The following TCF12 variants were observed in gnomAD, a reference collection of about 807,000 sequenced individuals.
TCF12 encodes transcription factor 12.
A neutral mutation model predicts 86.0 loss-of-function variants in TCF12; 45 were observed. The ratio of observed to expected loss-of-function variants is 0.52; its 90% CI spans 0.41 to 0.67. The LOEUF is 0.67. TCF12 is among the 30% of genes least tolerant of loss of function. The pLI, the probability that TCF12 is intolerant of heterozygous loss-of-function variation, is 0.00. For missense variants in TCF12, 881 were observed against 859.9 expected (o/e 1.02, Z -0.31); for synonymous variants, 330 against 299.6 (o/e 1.10, Z -1.05).
chr15:57,120,109 A>G (rs1285901492), intron 5 of TCF12, among the ~76,000 whole-genome samples: 1 of 152,178 alleles, frequency 6.6e-6, no homozygotes, highest in Non-Finnish European at 1.5e-5. Context: ...CTGTCAGTTC[A>G]TTTATCAGTA....
intron 5 of TCF12, among the ~76,000 whole-genome samples, chr15:57,147,138 T>G (rs532818377): frequency 1.3e-5 from 2 of 152,298 alleles, no homozygotes; most frequent in Non-Finnish European, 2.9e-5. Flanking sequence ...TAAATAGATA[T>G]TGGCTGAATA....
intron 3 of TCF12, among the ~76,000 whole-genome samples, chr15:56,964,674 C>G (rs191566940): frequency 6.6e-6 from 1 of 152,274 alleles, no homozygotes; most frequent in Admixed American, 6.5e-5. Flanking sequence ...AGATTTTACA[C>G]ATTTTTGTTT....
chr15:57,052,505 T>TG (rs2067703400), intron 3 of TCF12, among the ~76,000 whole-genome samples: 2 of 151,806 alleles, frequency 1.3e-5, no homozygotes, highest in African/African-American at 4.8e-5. Context: ...GGCCTGGTAG[T>TG]GGGTGCCTGT....
chr15:57,242,627 C>T (rs1261215937), intron 12 of TCF12, among the ~76,000 whole-genome samples: 2 of 152,188 alleles, frequency 1.3e-5, no homozygotes, highest in African/African-American at 2.4e-5. Flanking sequence ...GAGATTGCGC[C>T]GTTGCACTCC....
intron 3 of TCF12, among the ~76,000 whole-genome samples, chr15:56,925,237 A>AC (rs2059951939): frequency 9.5e-6 from 1 of 105,210 alleles, no homozygotes; most frequent in Non-Finnish European, 2.3e-5. Flanking sequence ...AATGGTGTCC[A>AC]CCGCCCCCCC....
intron 3 of TCF12, among the ~76,000 whole-genome samples, chr15:56,974,423 T>C (rs754288766): frequency 3.3e-5 from 5 of 152,118 alleles, no homozygotes; most frequent in Non-Finnish European, 5.9e-5. Flanking sequence ...TTTGTGCTAG[T>C]CTTGCAGCTT....
chr15:57,272,736 T>C (rs528784401), intron 18 of TCF12, among the ~76,000 whole-genome samples: 5 of 152,362 alleles, frequency 3.3e-5, no homozygotes, highest in African/African-American at 4.8e-5. Flanking sequence ...TAAAATATTA[T>C]GTAGTTGTTG....
At chr15:57,265,376 G>A (rs554847244) in intron 18 of TCF12, among the ~76,000 whole-genome samples, 37 of 152,170 alleles carry the variant, frequency 2.4e-4, no homozygotes, top group Non-Finnish European at 4.9e-4. Flanking sequence ...AATTGTCCCA[G>A]TATGAGAGAG....
At chr15:57,181,911 G>A (rs77099053) in intron 6 of TCF12, among the ~76,000 whole-genome samples, 6,104 of 152,052 alleles carry the variant, frequency 0.04, 373 homozygotes, top group Admixed American at 0.17. Flanking sequence ...TTTTCACAGA[G>A]AAAAATGTCT....
At chr15:57,138,633 G>A (rs561500567) in intron 5 of TCF12, among the ~76,000 whole-genome samples, 2 of 152,328 alleles carry the variant, frequency 1.3e-5, no homozygotes, top group African/African-American at 4.8e-5. Flanking sequence ...GAACAGGGCA[G>A]CTGTTTGTTT....
chr15:57,157,684 T>G (rs2054210194), intron 5 of TCF12, among the ~76,000 whole-genome samples: 1 of 151,554 alleles, frequency 6.6e-6, no homozygotes, highest in Non-Finnish European at 1.5e-5. Flanking sequence ...TGCCTCAGCC[T>G]CCCGAGTAGC....
chr15:57,184,077 A>C (rs1310285243), intron 6 of TCF12, among the ~76,000 whole-genome samples: 5 of 152,214 alleles, frequency 3.3e-5, no homozygotes, highest in African/African-American at 9.6e-5. Context: ...CTTATTAAGC[A>C]AACAGACTTC....
intron 8 of TCF12, among the ~76,000 whole-genome samples, chr15:57,223,403 A>T (rs1343953697): frequency 6.6e-6 from 1 of 152,076 alleles, no homozygotes; most frequent in Non-Finnish European, 1.5e-5. Flanking sequence ...ACTACATTGG[A>T]AAGAAAACGT....
At chr15:57,010,683 C>T (rs1489214187) in intron 3 of TCF12, among the ~76,000 whole-genome samples, 1 of 152,136 alleles carries the variant, frequency 6.6e-6, no homozygotes, top group Non-Finnish European at 1.5e-5. Flanking sequence ...TATTTAAAAA[C>T]AGCTCCAGGG....
intron 3 of TCF12, among the ~76,000 whole-genome samples, chr15:57,038,039 CAA>C (rs1265014512): frequency 6.6e-6 from 1 of 151,952 alleles, no homozygotes; most frequent in Non-Finnish European, 1.5e-5. Context: ...CAAGGAAAAA[CAA>C]AATTAAGTGG....
At chr15:57,006,368 T>C (rs1175676781) in intron 3 of TCF12, among the ~76,000 whole-genome samples, 1 of 152,044 alleles carries the variant, frequency 6.6e-6, no homozygotes, top group East Asian at 1.9e-4. Flanking sequence ...CCAGTGGTGC[T>C]ATCTTGGTTC....
intron 12 of TCF12, among the ~76,000 whole-genome samples, chr15:57,237,738 A>G (rs879515432): frequency 2.2e-4 from 34 of 152,242 alleles, no homozygotes; most frequent in Non-Finnish European, 4.8e-4. Flanking sequence ...ATGAAAAGAA[A>G]CATATTCCTG....
intron 3 of TCF12, among the ~76,000 whole-genome samples, chr15:57,006,270 A>T (rs1378753548): frequency 6.6e-6 from 1 of 152,078 alleles, no homozygotes. Context: ...TTTTTACCAG[A>T]AATTATGACT....
Position 57,286,865 on chromosome 15 carries a change from G to T in TCF12, c.*720G>T. The stretch of plus-strand genomic sequence containing the variant: ...TAAATCTGAACAGTTTATGGTCACA[G>T]TCCAGCCTCCTCCGTGCAGCCCTGT... On this transcript the variant is annotated 3_prime_UTR_variant, in exon 21 of 21. Transcript: ENST00000333725. The T allele has an allele frequency of 2.8e-6, 1 of 359,288 alleles. No homozygotes were observed. The highest frequency in any genetic ancestry group is 3.8e-5 in the Admixed American group (1 of 26,212). The allele number at this position is 359,288 out of a possible 1,614,324, so 22.3% of individuals were successfully genotyped here.
Sources: gnomAD v4.1 joint callset for allele counts (sites outside exome capture counted in the v4.1 genomes callset) on GRCh38, gnomAD v4.1.1 for gene constraint, MANE v1.5 for transcripts, NCBI Gene and HGNC (gene_info 2026-07-23, HGNC 2026-07-21) for gene names.